The following PAX3 variants were observed in gnomAD, a reference collection of about 807,000 sequenced individuals.
PAX3 encodes the protein paired box protein Pax-3.
In PAX3, 14 loss-of-function variants were observed where a neutral mutation model predicts 51.6. That is an observed-to-expected ratio of 0.27 (90% CI 0.18 to 0.42). PAX3 has a LOEUF of 0.42. PAX3 is among the 10% of genes least tolerant of loss of function. PAX3 has a pLI of 1.00. For synonymous variants in PAX3, 280 were observed against 253.4 expected (o/e 1.11, Z -1.00); for missense variants, 540 against 642.8 (o/e 0.84, Z 1.73).
intron 4 of PAX3, among the ~76,000 whole-genome samples, chr2:222,280,150 G>A (rs1479414126): frequency 6.6e-6 from 1 of 151,996 alleles, no homozygotes; most frequent in African/African-American, 2.4e-5. Context: ...GGTGGAGGTT[G>A]CAATGAGCTG....
intron 8 of PAX3, 150 bp downstream of exon 8, chr2:222,201,794 G>T: frequency 6.5e-7 from 1 of 1,544,932 alleles, no homozygotes. Flanking sequence ...GGAAGCCCCT[G>T]CTGGAACAGT....
chr2:222,226,179 C>T (rs957294055), intron 5 of PAX3, among the ~76,000 whole-genome samples: 1 of 152,154 alleles, frequency 6.6e-6, no homozygotes. Context: ...GAATTCGCAA[C>T]AAGATTGTAA....
intron 4 of PAX3, among the ~76,000 whole-genome samples, chr2:222,266,486 A>G (rs774458268): frequency 1.3e-5 from 2 of 152,160 alleles, no homozygotes; most frequent in African/African-American, 4.8e-5. Flanking sequence ...CCCCCTCCTC[A>G]GTTATTTCTT....
intron 7 of PAX3, among the ~76,000 whole-genome samples, chr2:222,211,951 T>C (rs1004231864): frequency 1.3e-5 from 2 of 152,156 alleles, no homozygotes; most frequent in Non-Finnish European, 2.9e-5. Context: ...GTCTTTATCA[T>C]GAGGCTTGGT....
intron 4 of PAX3, among the ~76,000 whole-genome samples, chr2:222,292,892 T>A (rs1485884032): frequency 6.6e-6 from 1 of 152,222 alleles, no homozygotes; most frequent in East Asian, 1.9e-4. Context: ...CACTTGTTTT[T>A]CCCTCAAATC....
At chr2:222,246,124 G>A (rs1693220291) in intron 4 of PAX3, among the ~76,000 whole-genome samples, 1 of 152,184 alleles carries the variant, frequency 6.6e-6, no homozygotes, top group African/African-American at 2.4e-5. Flanking sequence ...AAGGCTTTCT[G>A]AGTTAGGAAA....
At chr2:222,275,412 T>C (rs1267817829) in intron 4 of PAX3, among the ~76,000 whole-genome samples, 2 of 151,528 alleles carry the variant, frequency 1.3e-5, no homozygotes, top group African/African-American at 4.8e-5. Context: ...AGTTTGGATA[T>C]TTTATATGCT....
At chr2:222,256,468 C>T (rs1382006240) in intron 4 of PAX3, among the ~76,000 whole-genome samples, 1 of 151,834 alleles carries the variant, frequency 6.6e-6, no homozygotes, top group African/African-American at 2.4e-5. Flanking sequence ...CTGATCCTTC[C>T]CTCTCCCTCT....
intron 4 of PAX3, among the ~76,000 whole-genome samples, chr2:222,293,276 C>G (rs1159592649): frequency 6.6e-6 from 1 of 152,200 alleles, no homozygotes; most frequent in Non-Finnish European, 1.5e-5. Context: ...GAGACACAAT[C>G]CTCCCCTCCC....
At chr2:222,290,029 T>A (rs146872460) in intron 4 of PAX3, among the ~76,000 whole-genome samples, 70 of 152,306 alleles carry the variant, frequency 4.6e-4, no homozygotes, top group African/African-American at 1.5e-3. Context: ...GATTTTAATC[T>A]ATGGGAAAGT....
rs964047184 is a variant in PAX3, at chr2:222,298,506, G to C, written c.85+25C>G. 1.1e-5 allele frequency: 17 copies of C among 1,572,624 alleles called. 1 individual carries two copies. The highest frequency in any genetic ancestry group is 1.4e-5 in the Non-Finnish European group (16 of 1,156,930). On this transcript the variant is annotated intron_variant, in intron 1 of 8. Transcript: ENST00000392070. ...GCCGGTCCCAGGCCCTGGGATCCAG[G>C]CGGCGCGCTGAGGCCCTCCCTTACC...
chr2:222,246,042 A>G (rs1693218265), intron 4 of PAX3, among the ~76,000 whole-genome samples: 1 of 152,078 alleles, frequency 6.6e-6, no homozygotes, highest in African/African-American at 2.4e-5. Context: ...AAGGATAGAA[A>G]ATAAAGCAAT....
intron 4 of PAX3, among the ~76,000 whole-genome samples, chr2:222,235,485 C>A (rs995250629): frequency 7.2e-5 from 11 of 152,180 alleles, no homozygotes; most frequent in African/African-American, 2.7e-4. Context: ...TCTGTGAGGC[C>A]TGAACAATCA....
intron 5 of PAX3, among the ~76,000 whole-genome samples, chr2:222,222,938 G>A (rs528088451): frequency 3.5e-4 from 54 of 152,292 alleles, no homozygotes; most frequent in African/African-American, 6.7e-4. Context: ...TTCGACGAGC[G>A]ATCGCTTGAG....
At chr2:222,232,021 T>A (rs1692615007) in intron 5 of PAX3, 57 bp downstream of exon 5, 3 of 1,496,288 alleles carry the variant, frequency 2.0e-6, no homozygotes, top group South Asian at 2.3e-5. Flanking sequence ...GATGAGAAGA[T>A]GCTTGTTTGT....
At chr2:222,264,083 A>G (rs1693958908) in intron 4 of PAX3, 1 of 152,184 alleles carries the variant, frequency 6.6e-6, no homozygotes, top group Non-Finnish European at 1.5e-5. Context: ...TTAAGACTCC[A>G]AAAAAGATCA....
intron 4 of PAX3, among the ~76,000 whole-genome samples, chr2:222,239,956 T>C (rs918618595): frequency 3.8e-4 from 58 of 152,190 alleles, no homozygotes; most frequent in African/African-American, 1.3e-3. Context: ...CAGTCCCCTA[T>C]TTTTTGGCTG....
chr2:222,259,466 A>G (rs1316766169), intron 4 of PAX3, among the ~76,000 whole-genome samples: 2 of 152,260 alleles, frequency 1.3e-5, no homozygotes, highest in Admixed American at 1.3e-4. Context: ...AAGACTAGGC[A>G]TAGCATTCTA....
At chr2:222,231,549 T>C (rs1218411689) in intron 5 of PAX3, among the ~76,000 whole-genome samples, 7 of 152,234 alleles carry the variant, frequency 4.6e-5, no homozygotes, top group African/African-American at 1.7e-4. Flanking sequence ...TTATGCACCT[T>C]TGCACATTTT....
Sources: allele counts gnomAD v4.1 joint callset (sites outside exome capture counted in the v4.1 genomes callset), GRCh38; gene constraint gnomAD v4.1.1; transcripts MANE v1.5; gene names NCBI Gene and HGNC (gene_info 2026-07-23, HGNC 2026-07-21).